The following ACE variants were observed in gnomAD, a reference collection of about 807,000 sequenced individuals.
ACE encodes angiotensin I converting enzyme.
Under a neutral mutation model 162.3 loss-of-function variants are expected in ACE, and 122 were observed. The observed-to-expected ratio is 0.75, with a 90% CI of 0.65 to 0.87. The LOEUF (loss-of-function observed/expected upper bound fraction) is 0.87. Among genes scored for constraint, ACE ranks in the 40% least tolerant of loss-of-function variants. The pLI is 0.00. For synonymous variants in ACE, 796 were observed against 720.6 expected (o/e 1.10, Z -1.68); for missense variants, 1,799 against 1,735.1 (o/e 1.04, Z -0.65).
In ACE at chr17:63,481,099, T is replaced by C. The variant is rs1365148386; in HGVS notation, c.856T>C (p.Trp286Arg). Reference protein sequence around the residue: ...PIPAHLLGDMWAQSWENIYDM... With the variant: ...PIPAHLLGDMRAQSWENIYDM... Reference sequence around the variant, plus strand: ...CTTCCTTCCTTATCTAGGAGACATGTGGGCCCAGAGCTGGGAAAACATCTA... The same window carrying C: ...CTTCCTTCCTTATCTAGGAGACATGCGGGCCCAGAGCTGGGAAAACATCTA... The change falls in exon 6 of 25, where the codon TGG becomes CGG. Residue 286 changes from tryptophan to arginine, a missense_variant. Transcript: ENST00000290866. The C allele has an allele frequency of 6.2e-7, 1 of 1,613,906 alleles. No individual in the cohort carries two copies.
intron 7 of ACE, 46 bp from the exon 8 acceptor site, chr17:63,482,420 G>T: frequency 6.3e-7 from 1 of 1,575,370 alleles, no homozygotes; most frequent in Non-Finnish European, 8.7e-7. Flanking sequence ...GCCCTGCCCT[G>T]TTCTGTCCAT....
Position 63,493,510 on chromosome 17 carries a change from T to C in ACE, c.2987T>C (p.Phe996Ser), listed in dbSNP as rs2030522633. 1.9e-6 allele frequency: 3 copies of C among 1,613,680 alleles called. No homozygotes were observed. Among genetic ancestry groups the C allele is most frequent in the Non-Finnish European group, 2.5e-6 (3 of 1,180,042 alleles). Residue 996 changes from phenylalanine to serine, a missense_variant, in exon 20 of 25, where the codon TTC becomes TCC. Phe to Ser is a radical substitution (Grantham distance 155, BLOSUM62 -2). Coordinates refer to ENST00000290866, the MANE Select transcript of ACE (RefSeq NM_000789.4). ...AHHEMGHIQY[F>S]MQYKDLPVAL... ...CACGAAATGGGCCACATCCAGTATT[T>C]CATGCAGTACAAAGACTTACCTGTG...
rs773913073 is a variant in ACE, at chr17:63,482,670, C to T, written c.1323C>T (p.Asp441=). 10 of 1,613,748 alleles carry T rather than the reference C, an allele frequency of 6.2e-6. No individual in the cohort carries two copies. Among genetic ancestry groups the T allele is most frequent in the Non-Finnish European group, 6.8e-6 (8 of 1,179,972 alleles). Residue 441 remains aspartate, a synonymous_variant, in exon 8 of 25, where the codon GAC becomes GAT. Coordinates refer to ENST00000290866, the MANE Select transcript of ACE (RefSeq NM_000789.4). ...ATCTGCACAAAATCGGCCTGCTGGACCGTGTCACCAATGACACGGGTATGG... is the reference window on the plus strand; with the variant it reads ...ATCTGCACAAAATCGGCCTGCTGGATCGTGTCACCAATGACACGGGTATGG... The part of the protein sequence containing the change: ...PEHLHKIGLL[D]RVTNDTESDI...
intron 22 of ACE, among the ~76,000 whole-genome samples, chr17:63,495,278 G>A (rs1371424198): frequency 3.3e-5 from 5 of 152,312 alleles, no homozygotes; most frequent in Non-Finnish European, 7.4e-5. Flanking sequence ...AAGGCTGTTT[G>A]TGATCCGGGA....
At chr17:63,487,309 G>A (rs1301522506) in intron 15 of ACE, among the ~76,000 whole-genome samples, 1 of 152,034 alleles carries the variant, frequency 6.6e-6, no homozygotes, top group Non-Finnish European at 1.5e-5. Context: ...TCTGCTTAAG[G>A]GTGTCCACTC....
chr17:63,478,209 C>A, intron 2 of ACE, 111 bp downstream of exon 2: 1 of 1,386,494 alleles, frequency 7.2e-7, no homozygotes, highest in Non-Finnish European at 9.8e-7. Flanking sequence ...CCACATGGGC[C>A]CTGACAGAAG....
chr17:63,497,085 T>C, intron 24 of ACE, 52 bp from the exon 25 acceptor site: 2 of 1,562,506 alleles, frequency 1.3e-6, no homozygotes, highest in South Asian at 2.3e-5. Context: ...CCCCGCACCC[T>C]TGCCCTGCCC....
chr17:63,482,791 C>T, intron 8 of ACE, 102 bp downstream of exon 8: 2 of 1,323,690 alleles, frequency 1.5e-6, no homozygotes, highest in African/African-American at 2.9e-5. Flanking sequence ...TTCTTTCTGC[C>T]TCCCGGCCCC....
At position 63,497,391 on chromosome 17, in the gene ACE, C is replaced by T. The variant is rs1198804495; in HGVS notation, c.*25C>T. On this transcript the variant is annotated 3_prime_UTR_variant, in exon 25 of 25. Transcript: ENST00000290866. ...AGGTGACCCGGCTGGGTCGGCCCTG[C>T]CCAAGGGCCTCCCACCAGAGACTGG... The T allele has an allele frequency of 3.9e-6, 6 of 1,532,908 alleles. No individual in the cohort carries two copies. Among genetic ancestry groups the T allele is most frequent in the Middle Eastern group, 1.9e-4 (1 of 5,192 alleles). The allele number at this position is 1,532,908 out of a possible 1,614,324, so 95.0% of individuals were successfully genotyped here. A position where few individuals can be genotyped will look rare whatever the true frequency, so the allele number is the denominator to read the frequency against.
In ACE at chr17:63,484,677, A is replaced by T; in HGVS notation, c.1921+136A>T. ...TCCTGGAGGGCCAGGCAGCCCCCCA[A>T]GCTCATCAGCAGGGCCTGCGAGTGG... On this transcript the variant is annotated intron_variant, in intron 12 of 24. Coordinates refer to ENST00000290866, the MANE Select transcript of ACE (RefSeq NM_000789.4). This position sits in a 1 kb window ranked among gnomAD's most constrained non-coding sequence, Gnocchi z 4.0. 3 of 1,444,306 alleles carry T rather than the reference A, an allele frequency of 2.1e-6. No individual in the cohort carries two copies. Among genetic ancestry groups the T allele is most frequent in the Non-Finnish European group, 2.7e-6 (3 of 1,094,984 alleles). The allele number at this position is 1,444,306 out of a possible 1,614,324, so 89.5% of individuals were successfully genotyped here.
chr17:63,483,567 G>GCGGGGGGGGGCCCCCCCCCCCCCCCCCCC lies in ACE; in HGVS notation c.1586+10_1586+11insGGGGGGGGGCCCCCCCCCCCCCCCCCCCC. Reference sequence around the variant, plus strand: ...GTGACACCATACATCAGGTATTAGCGCCCCCACCCCACCCACCCCCAGTAC... The same window carrying GCGGGGGGGGGCCCCCCCCCCCCCCCCCCC: ...GTGACACCATACATCAGGTATTAGCGCGGGGGGGGGCCCCCCCCCCCCCCCCCCCCCCCCACCCCACCCACCCCCAGTAC... On this transcript the variant is annotated intron_variant, in intron 10 of 24. Coordinates refer to ENST00000290866, the MANE Select transcript of ACE (RefSeq NM_000789.4). 2.5e-6 allele frequency: 4 copies of GCGGGGGGGGGCCCCCCCCCCCCCCCCCCC among 1,589,420 alleles called. No individual in the cohort carries two copies. The highest frequency in any genetic ancestry group is 2.6e-6 in the Non-Finnish European group (3 of 1,165,582).
rs757974064 is a variant in ACE at position 63,496,938 on chromosome 17, A to G, written c.3644A>G (p.His1215Arg). ...TGGCTCCGCACGGAGAACGAGCTGC[A>G]TGGGGAGAAGCTGGGCTGGCCGCAG... ...LDWLRTENELHGEKLGWPQYN... is the reference protein window; with the variant it reads ...LDWLRTENELRGEKLGWPQYN... Residue 1215 changes from histidine to arginine, a missense_variant, in exon 24 of 25, where the codon CAT (histidine) becomes CGT (arginine). By Grantham distance (29) the His-to-Arg change is conservative. Transcript: ENST00000290866. 6.2e-7 allele frequency: 1 copy of G among 1,613,282 alleles called. No individual in the cohort carries two copies. The highest frequency in any genetic ancestry group is 8.5e-7 in the Non-Finnish European group (1 of 1,179,970).
chr17:63,498,349 T>C lies in ACE; in HGVS notation c.*983T>C, dbSNP rs911273057. The C allele has an allele frequency of 4.6e-5, 7 of 152,148 alleles. No individual in the cohort carries two copies. Among genetic ancestry groups the C allele is most frequent in the Admixed American group, 3.9e-4 (6 of 15,278 alleles). The allele number at this position is 152,148 out of a possible 1,614,324, so 9.4% of individuals were successfully genotyped here. A position where few individuals can be genotyped will look rare whatever the true frequency, so the allele number is the denominator to read the frequency against. ...AAAATACAGAAAACTGTAAAGAAAA[T>C]AAAAGCCCTTTATATCAACGTCAAG... is the stretch of plus-strand genomic sequence containing the variant. On this transcript the variant is annotated 3_prime_UTR_variant, in exon 25 of 25. Coordinates refer to ENST00000290866, the MANE Select transcript of ACE (RefSeq NM_000789.4).
chr17:63,493,460 C>G lies in ACE; in HGVS notation c.2937C>G (p.Asn979Lys). 6.2e-7 allele frequency: 1 copy of G among 1,614,164 alleles called. No individual in the cohort carries two copies. The highest frequency in any genetic ancestry group is 1.3e-5 in the African/African-American group (1 of 75,038). The stretch of plus-strand genomic sequence containing the variant: ...GGATCAAGCAGTGCACCACCGTGAA[C>G]TTGGAGGACCTGGTGGTGGCCCACC... ...DFRIKQCTTVNLEDLVVAHHE... is the reference protein window; with the variant it reads ...DFRIKQCTTVKLEDLVVAHHE... Residue 979 changes from asparagine to lysine, a missense_variant, in exon 20 of 25, where the codon AAC becomes AAG. Physicochemically the swap from Asn to Lys is moderately conservative, Grantham distance 94. Transcript: ENST00000290866.
chr17:63,485,452 C>A, intron 13 of ACE, 80 bp downstream of exon 13: 1 of 1,576,160 alleles, frequency 6.3e-7, no homozygotes, highest in South Asian at 1.1e-5. Context: ...CACAGTGGGG[C>A]TGCCACCACA....
intron 10 of ACE, 56 bp downstream of exon 10, chr17:63,483,614 C>T (rs2029861166): frequency 3.0e-6 from 4 of 1,325,748 alleles, no homozygotes; most frequent in Non-Finnish European, 3.1e-6. Context: ...CAATCCACTT[C>T]TCCTCCTGTG....
At position 63,477,159 on chromosome 17, in the gene ACE, T is replaced by C; in HGVS notation, c.65T>C (p.Leu22Pro). The change falls in exon 1 of 25, where the codon CTG (leucine) becomes CCG (proline). Residue 22 changes from leucine (L) to proline (P), a missense_variant. Physicochemically the swap from Leu to Pro is moderately conservative, Grantham distance 98. Coordinates refer to ENST00000290866, the MANE Select transcript of ACE (RefSeq NM_000789.4). ...CTGCCGCTGCCGCTGCTGTTGCTGC[T>C]GCCGCCGCAGCCCGCCCTGGCGTTG... ...LLLPLPLLLLLPPQPALALDP... is the reference protein window; with the variant it reads ...LLLPLPLLLLPPPQPALALDP... 1 of 1,448,360 alleles carries C rather than the reference T, an allele frequency of 6.9e-7. No individual in the cohort carries two copies. The highest frequency in any genetic ancestry group is 9.1e-7 in the Non-Finnish European group (1 of 1,102,258). The allele number at this position is 1,448,360 out of a possible 1,614,324, so 89.7% of individuals were successfully genotyped here.
chr17:63,493,121 A>G (rs758392931), intron 19 of ACE, among the ~76,000 whole-genome samples: 1 of 152,256 alleles, frequency 6.6e-6, no homozygotes, highest in Non-Finnish European at 1.5e-5. Context: ...TCTAGAAAGT[A>G]CACAATGTCC....
intron 2 of ACE, chr17:63,478,420 C>G (rs2049654097): frequency 2.6e-6 from 1 of 377,938 alleles, no homozygotes; most frequent in Non-Finnish European, 5.0e-6. Flanking sequence ...AATCCCAGCA[C>G]TTTGGGAGGC....
Sources: allele counts gnomAD v4.1 joint callset (sites outside exome capture counted in the v4.1 genomes callset), GRCh38; gene constraint gnomAD v4.1.1; non-coding constraint Gnocchi (gnomAD v3.1); transcripts MANE v1.5; gene names NCBI Gene and HGNC (gene_info 2026-07-23, HGNC 2026-07-21).